Variants in DNAJC3 observed in about 807,000 individuals in gnomAD.
DNAJC3 encodes the protein dnaJ homolog subfamily C member 3.
Under a neutral mutation model 68.6 loss-of-function variants are expected in DNAJC3, and 38 were observed. The ratio of observed to expected loss-of-function variants is 0.55; its 90% CI spans 0.43 to 0.73. The LOEUF (loss-of-function observed/expected upper bound fraction) is 0.73. Ranked by LOEUF, DNAJC3 falls within the 30% of genes least tolerant of loss-of-function variation. The pLI is 0.00. For synonymous variants in DNAJC3, 203 were observed against 204.0 expected, an observed-to-expected ratio of 1.00 and a Z score of 0.04; for missense variants, 526 against 591.9, an observed-to-expected ratio of 0.89 and a Z score of 1.16.
intron 1 of DNAJC3, among the ~76,000 whole-genome samples, chr13:95,687,855 A>G (rs1415955360): frequency 1.3e-5 from 2 of 152,162 alleles, no homozygotes; most frequent in African/African-American, 4.8e-5. Flanking sequence ...GAATCTGTAG[A>G]TTGCTTTGGG....
chr13:95,682,510 A>G (rs1879946054), intron 1 of DNAJC3, among the ~76,000 whole-genome samples: 1 of 152,164 alleles, frequency 6.6e-6, no homozygotes, highest in Non-Finnish European at 1.5e-5. Context: ...TCTGCTCTCC[A>G]AAATATAAGA....
intron 9 of DNAJC3, among the ~76,000 whole-genome samples, chr13:95,765,580 T>C (rs1882970413): frequency 6.7e-6 from 1 of 149,734 alleles, no homozygotes; most frequent in Admixed American, 6.6e-5. Context: ...TTTTTTTTTT[T>C]TTTTTTTTGG....
intron 7 of DNAJC3, among the ~76,000 whole-genome samples, chr13:95,761,505 C>T (rs1208881048): frequency 6.6e-6 from 1 of 152,112 alleles, no homozygotes; most frequent in African/African-American, 2.4e-5. Context: ...CACTCGGTTT[C>T]CCCCAACATC....
At chr13:95,740,656 C>T (rs1882106667) in intron 4 of DNAJC3, among the ~76,000 whole-genome samples, 1 of 152,208 alleles carries the variant, frequency 6.6e-6, no homozygotes, top group Admixed American at 6.5e-5. Context: ...GGCAATGCCT[C>T]GCCCTGCTTC....
In DNAJC3 at chr13:95,792,401, T is replaced by G. The variant is rs1178727529; in HGVS notation, c.*1371T>G. Reference sequence around the variant, plus strand: ...ATTGCTACCTTTATTCTGGAAAGGTTTTGTTTCTGCCTCAAAGCATTTTGA... The same window carrying G: ...ATTGCTACCTTTATTCTGGAAAGGTGTTGTTTCTGCCTCAAAGCATTTTGA... On this transcript the variant is annotated 3_prime_UTR_variant, in exon 12 of 12. Transcript: ENST00000602402. 1 of 152,228 alleles carries G rather than the reference T, an allele frequency of 6.6e-6. No homozygotes were observed. The highest frequency in any genetic ancestry group is 1.9e-4 in the East Asian group (1 of 5,198). 9.4% of individuals were successfully genotyped at this position (152,228 alleles called of 1,614,324 possible).
In DNAJC3 at chr13:95,794,945, G is replaced by C. The variant is rs184567459; in HGVS notation, c.*3915G>C. The stretch of plus-strand genomic sequence containing the variant: ...AAATATGGGTACTATTTTTATGCCC[G>C]TGTATTTTCACATTTAATAAAAATA... On this transcript the variant is annotated 3_prime_UTR_variant, in exon 12 of 12. Transcript: ENST00000602402. The C allele has an allele frequency of 6.6e-6, 1 of 152,152 alleles. No individual in the cohort carries two copies. Among genetic ancestry groups the C allele is most frequent in the African/African-American group, 2.4e-5 (1 of 41,442 alleles). 9.4% of individuals were successfully genotyped at this position (152,152 alleles called of 1,614,324 possible). A position where few individuals can be genotyped will look rare whatever the true frequency, so the allele number is the denominator to read the frequency against.
chr13:95,713,360 T>C (rs1273736631), intron 2 of DNAJC3, among the ~76,000 whole-genome samples: 1 of 151,980 alleles, frequency 6.6e-6, no homozygotes, highest in African/African-American at 2.4e-5. Flanking sequence ...CAACATACTT[T>C]TGTAGCAACA....
intron 1 of DNAJC3, among the ~76,000 whole-genome samples, chr13:95,697,542 T>C (rs567576134): frequency 3.3e-5 from 5 of 152,198 alleles, no homozygotes; most frequent in African/African-American, 9.7e-5. Context: ...ATTTCTAATA[T>C]CTGGATGTCT....
chr13:95,773,152 G>GTTTTTTTTTTTTTTTTTTTTTTTT (rs1191609072), intron 9 of DNAJC3, among the ~76,000 whole-genome samples: 1 of 97,822 alleles, frequency 1.0e-5, no homozygotes, highest in African/African-American at 3.9e-5. Flanking sequence ...GACAAATTTA[G>GTTTTTTTTTTTTTTTTTTTTTTTT]TTTTTTTTTT....
chr13:95,741,520 G>A (rs771057315), intron 4 of DNAJC3, among the ~76,000 whole-genome samples: 4 of 152,168 alleles, frequency 2.6e-5, no homozygotes, highest in Admixed American at 6.5e-5. Context: ...ATGTTAGTGG[G>A]TCCACGTGGA....
chr13:95,757,361 T>C (rs1231475881), intron 4 of DNAJC3, among the ~76,000 whole-genome samples: 2 of 152,344 alleles, frequency 1.3e-5, no homozygotes, highest in Middle Eastern at 3.4e-3. Context: ...TCCTCCGTTC[T>C]TCTCTGTCCT....
rs1430300172 is a variant in DNAJC3, at chr13:95,678,926, A to G, written c.82+1589A>G. Among the ~76,000 whole-genome samples the G allele has an allele frequency of 2.0e-5, 3 of 152,322 alleles. No individual in the cohort carries two copies. In the East Asian group the frequency reaches 5.8e-4, roughly 29 times the overall value. On this transcript the variant is annotated intron_variant, in intron 1 of 11. Transcript: ENST00000602402. ...TGGTGACATTTCTCAGAGGAGTGCC[A>G]GAGTGTCTTCTTTAGGACCATTGTC...
At chr13:95,774,485 C>A (rs909885112) in intron 9 of DNAJC3, among the ~76,000 whole-genome samples, 1 of 152,116 alleles carries the variant, frequency 6.6e-6, no homozygotes, top group Non-Finnish European at 1.5e-5. Flanking sequence ...TCTATGTACA[C>A]TTGAAAATAA....
chr13:95,742,974 C>A (rs762952825), intron 4 of DNAJC3: 3 of 422,252 alleles, frequency 7.1e-6, no homozygotes, highest in Non-Finnish European at 1.4e-5. Flanking sequence ...AGGTTTAGGT[C>A]GAAGTTCATT....
At chr13:95,790,316 C>T (rs1883728550) in intron 11 of DNAJC3, among the ~76,000 whole-genome samples, 1 of 152,182 alleles carries the variant, frequency 6.6e-6, no homozygotes, top group African/African-American at 2.4e-5. Context: ...GCATTGATCT[C>T]TCTCTGTTCG....
intron 4 of DNAJC3, among the ~76,000 whole-genome samples, chr13:95,738,532 G>A (rs191745632): frequency 1.6e-3 from 247 of 152,196 alleles, no homozygotes; most frequent in African/African-American, 5.5e-3. Flanking sequence ...ATATATTTAG[G>A]ATAGTTAGCT....
At chr13:95,694,823 C>T (rs17878928) in intron 1 of DNAJC3, 4 of 152,568 alleles carry the variant, frequency 2.6e-5, no homozygotes, top group South Asian at 4.1e-4. Flanking sequence ...TTCACGCTAA[C>T]GGTGCTTCAA....
rs1298917904 is a variant in DNAJC3, at chr13:95,702,052, A to G, written c.83-7175A>G. Among the ~76,000 whole-genome samples, 5 of 152,350 alleles carry G rather than the reference A, an allele frequency of 3.3e-5. No individual in the cohort carries two copies. The East Asian group carries it at 9.6e-4, about 29-fold the overall frequency. On this transcript the variant is annotated intron_variant, in intron 1 of 11. Coordinates refer to ENST00000602402, the MANE Select transcript of DNAJC3 (RefSeq NM_006260.5). ...ATCCTTTAAAAAAATACATTTCAAG[A>G]TAACACCAGTATACATGGCCCTAAA... is the stretch of plus-strand genomic sequence containing the variant.
At chr13:95,789,146 T>C (rs750237740) in intron 11 of DNAJC3, among the ~76,000 whole-genome samples, 2 of 152,206 alleles carry the variant, frequency 1.3e-5, no homozygotes, top group African/African-American at 4.8e-5. Context: ...CCTAGCTATA[T>C]GCTAAGTCTT....
Sources: gnomAD v4.1 joint callset for allele counts (sites outside exome capture counted in the v4.1 genomes callset) on GRCh38, gnomAD v4.1.1 for gene constraint, MANE v1.5 for transcripts, NCBI Gene and HGNC (gene_info 2026-07-23, HGNC 2026-07-21) for gene names.